The following USP50 variants were observed in gnomAD, a reference collection of about 807,000 sequenced individuals.
USP50 encodes the protein ubiquitin specific peptidase 50.
Under a neutral mutation model 39.2 loss-of-function variants are expected in USP50, and 37 were observed. That is an observed-to-expected ratio of 0.94 (90% CI 0.73 to 1.24). The LOEUF (loss-of-function observed/expected upper bound fraction) is 1.24, where lower values mean the gene tolerates loss of function less well. USP50 is among the 50% of genes most tolerant of loss of function. The pLI, the probability that USP50 is intolerant of heterozygous loss-of-function variation, is 0.00. For missense variants in USP50, 374 were observed against 398.2 expected (o/e 0.94, Z 0.52); for synonymous variants, 139 against 144.5 (o/e 0.96, Z 0.27).
intron 1 of USP50, among the ~76,000 whole-genome samples, chr15:50,546,040 G>C (rs1283202403): frequency 6.6e-6 from 1 of 151,394 alleles, no homozygotes; most frequent in African/African-American, 2.4e-5. Context: ...GGTTCCAAAC[G>C]GGACCTCCTC....
At chr15:50,545,905 T>A (rs2053067227) in intron 1 of USP50, among the ~76,000 whole-genome samples, 1 of 151,466 alleles carries the variant, frequency 6.6e-6, no homozygotes, top group African/African-American at 2.4e-5. Flanking sequence ...TTGACACAGG[T>A]TCGTCTAAAT....
At chr15:50,507,226 TG>T (rs2052675429) in intron 6 of USP50, 2 of 152,626 alleles carry the variant, frequency 1.3e-5, no homozygotes, top group East Asian at 3.8e-4. Flanking sequence ...GAGGTTGCAG[TG>T]AGCCAAGATC....
At position 50,523,193 on chromosome 15, in the gene USP50, T is replaced by G. The variant is rs77916425; in HGVS notation, c.936+6604A>C. Among the ~76,000 whole-genome samples, 6 of 149,488 alleles carry G rather than the reference T, an allele frequency of 4.0e-5. No individual in the cohort carries two copies. The South Asian group carries it at 1.3e-3, about 32-fold the overall frequency. ...TCAGTAGCTTTTTTTTTTTTTTTTT[T>G]GGTGAGACAGGGTCTTGCTCTGTCA... is the stretch of plus-strand genomic sequence containing the variant. On this transcript the variant is annotated intron_variant, in intron 6 of 6. Transcript: ENST00000532404.
chr15:50,514,427 G>C (rs940839241), intron 6 of USP50: 7 of 152,210 alleles, frequency 4.6e-5, no homozygotes, highest in Non-Finnish European at 5.9e-5. Context: ...GTCAAGGGCA[G>C]TGTCTCATAC....
intron 6 of USP50, among the ~76,000 whole-genome samples, chr15:50,527,190 G>A (rs911821672): frequency 6.6e-6 from 1 of 152,088 alleles, no homozygotes; most frequent in Non-Finnish European, 1.5e-5. Context: ...TGAGCCTGAG[G>A]TGGGGCCTGA....
chr15:50,543,949 GC>G, intron 2 of USP50, 156 bp from the exon 3 acceptor site: 1 of 680,020 alleles, frequency 1.5e-6, no homozygotes, highest in Non-Finnish European at 2.5e-6. Context: ...GATAGCTTGA[GC>G]CCCCAGAAGG....
At chr15:50,542,481 A>ATTTTT (rs11292495) in intron 3 of USP50, among the ~76,000 whole-genome samples, 22 of 97,394 alleles carry the variant, frequency 2.3e-4, no homozygotes, top group Admixed American at 2.8e-4. Context: ...TTTCCTTTTC[A>ATTTTT]TTTTTTTTTT....
At chr15:50,496,103 G>T, downstream of USP50, 1 of 1,556,660 alleles carries the variant, frequency 6.4e-7, no homozygotes, top group Non-Finnish European at 8.8e-7. Flanking sequence ...AAGAAGTAGA[G>T]AGAAAATGAT....
At position 50,524,927 on chromosome 15, in the gene USP50, T is replaced by C. The variant is rs578021968; in HGVS notation, c.936+4870A>G. 3.9e-5 allele frequency among the ~76,000 whole-genome samples: 6 copies of C among 152,110 alleles called. No homozygotes were observed. In the South Asian group the frequency reaches 1.0e-3, roughly 26 times the overall value. On this transcript the variant is annotated intron_variant, in intron 6 of 6. Transcript: ENST00000532404. ...ACCCTACCACCAGCAATCTGACTTG[T>C]GGATATACGTCCAAAGGAATGGAAA...
In USP50 at chr15:50,529,918, T is replaced by G. The variant is rs2052927390; in HGVS notation, c.815A>C (p.Gln272Pro). ...IIFHLKRFDIQGTTKRKLRTD... is the reference protein window; with the variant it reads ...IIFHLKRFDIPGTTKRKLRTD... Reference sequence around the variant, plus strand: ...TCTCAGCTTCCTTTTTGTTGTACCCTGAATGTCAAACCTGCAGGTATAATA... The same window carrying G: ...TCTCAGCTTCCTTTTTGTTGTACCCGGAATGTCAAACCTGCAGGTATAATA... Residue 272 changes from glutamine to proline, a missense_variant, in exon 6 of 7, where the codon CAG becomes CCG. By Grantham distance (76) the Gln-to-Pro change is moderately conservative. Transcript: ENST00000532404. 6.2e-7 allele frequency: 1 copy of G among 1,613,752 alleles called. No homozygotes were observed. Among genetic ancestry groups the G allele is most frequent in the African/African-American group, 1.3e-5 (1 of 74,920 alleles).
chr15:50,524,118 CCGG>C (rs2052870749), intron 6 of USP50, among the ~76,000 whole-genome samples: 1 of 152,178 alleles, frequency 6.6e-6, no homozygotes, highest in Admixed American at 6.5e-5. Flanking sequence ...TAAACAAAAA[CCGG>C]CTCAAAATGG....
At chr15:50,515,667 TATA>T in intron 6 of USP50, among the ~76,000 whole-genome samples, 1 of 151,072 alleles carries the variant, frequency 6.6e-6, no homozygotes, top group East Asian at 1.9e-4. Context: ...TATATATATA[TATA>T]TATTTAAACA....
intron 6 of USP50, among the ~76,000 whole-genome samples, chr15:50,525,568 ATATG>A (rs202245523): frequency 0.29 from 33,993 of 118,978 alleles, 5,954 homozygotes; most frequent in East Asian, 0.54. Flanking sequence ...ATATATGTAT[ATATG>A]TATATGTATA....
intron 6 of USP50, among the ~76,000 whole-genome samples, chr15:50,515,615 T>C (rs890892820): frequency 2.7e-5 from 4 of 150,834 alleles, no homozygotes; most frequent in African/African-American, 7.3e-5. Flanking sequence ...TATAGGTTAC[T>C]TTCTCAATTG....
chr15:50,533,581 G>C (rs1235335205), intron 5 of USP50, among the ~76,000 whole-genome samples: 1 of 151,972 alleles, frequency 6.6e-6, no homozygotes, highest in Non-Finnish European at 1.5e-5. Flanking sequence ...AGTGTTAAAA[G>C]GAAAAAAACC....
Position 50,543,941 on chromosome 15 carries a change from T to C in USP50, c.249-148A>G, listed in dbSNP as rs1344931112. 4.2e-6 allele frequency: 3 copies of C among 714,164 alleles called. No individual in the cohort carries two copies. The Admixed American group carries it at 7.1e-5, about 17-fold the overall frequency. The allele number at this position is 714,164 out of a possible 1,614,324, so 44.2% of individuals were successfully genotyped here. A position where few individuals can be genotyped will look rare whatever the true frequency, so the allele number is the denominator to read the frequency against. ...ACTTTGGGAGGCCAATGCAGGAGGATAGCTTGAGCCCCCAGAAGGTCGAGG... is the reference window on the plus strand; with the variant it reads ...ACTTTGGGAGGCCAATGCAGGAGGACAGCTTGAGCCCCCAGAAGGTCGAGG... On this transcript the variant is annotated intron_variant, in intron 2 of 6. Coordinates refer to ENST00000532404, the MANE Select transcript of USP50 (RefSeq NM_203494.5).
At chr15:50,523,451 G>T (rs2052866854) in intron 6 of USP50, among the ~76,000 whole-genome samples, 1 of 151,880 alleles carries the variant, frequency 6.6e-6, no homozygotes, top group Non-Finnish European at 1.5e-5. Flanking sequence ...GGGATTACAG[G>T]TATAAGCCAC....
At chr15:50,530,974 T>G (rs2052936091) in intron 5 of USP50, among the ~76,000 whole-genome samples, 1 of 152,172 alleles carries the variant, frequency 6.6e-6, no homozygotes, top group Admixed American at 6.6e-5. Context: ...ATAAGAACAT[T>G]TTGTGAAAAT....
chr15:50,496,438 G>C (rs545307023), downstream of USP50, among the ~76,000 whole-genome samples: 1 of 142,046 alleles, frequency 7.0e-6, no homozygotes. Context: ...CTGAGATCTC[G>C]CCACTGCACT....
Sources: allele counts gnomAD v4.1 joint callset (sites outside exome capture counted in the v4.1 genomes callset), GRCh38; gene constraint gnomAD v4.1.1; transcripts MANE v1.5; gene names NCBI Gene and HGNC (gene_info 2026-07-23, HGNC 2026-07-21).